The following SMOC2 variants were observed in gnomAD, a reference collection of about 807,000 sequenced individuals.
The protein encoded by SMOC2 is SPARC-related modular calcium-binding protein 2.
SMOC2 carries 39 observed loss-of-function variants against 61.4 expected under a neutral mutation model. The observed-to-expected ratio is 0.64, with a 90% confidence interval of 0.49 to 0.83. The LOEUF (loss-of-function observed/expected upper bound fraction) is 0.83. SMOC2 is among the 40% of genes least tolerant of loss of function. The pLI, the probability that SMOC2 is intolerant of heterozygous loss-of-function variation, is 0.00. For synonymous variants in SMOC2, 247 were observed against 239.9 expected (o/e 1.03, Z -0.27); for missense variants, 556 against 592.9 (o/e 0.94, Z 0.65).
intron 7 of SMOC2, among the ~76,000 whole-genome samples, chr6:168,595,904 G>A (rs1785318231): frequency 6.6e-6 from 1 of 152,242 alleles, no homozygotes; most frequent in Non-Finnish European, 1.5e-5. Flanking sequence ...GATGCAGTAT[G>A]TTCCTGGATA....
In SMOC2 at chr6:168,664,308, A is replaced by C. The variant is rs979868784; in HGVS notation, c.1323+197A>C. On this transcript the variant is annotated intron_variant, in intron 12 of 12. Transcript: ENST00000356284. ...TTGCCGAATTCTATCCGAAATCACC[A>C]ACTTGTTTGAAAAAAGTTTATTATT... The C allele has an allele frequency of 1.3e-5, 8 of 626,998 alleles. No individual in the cohort carries two copies. In the African/African-American group the frequency reaches 1.5e-4, roughly 12 times the overall value. 38.8% of individuals were successfully genotyped at this position (626,998 alleles called of 1,614,324 possible).
chr6:168,476,075 A>G (rs1235480027), intron 1 of SMOC2, among the ~76,000 whole-genome samples: 2 of 152,186 alleles, frequency 1.3e-5, no homozygotes, highest in East Asian at 3.9e-4. Flanking sequence ...ACAAGCGTAA[A>G]AAGATAGAAC....
chr6:168,495,279 C>A (rs1230585037), intron 1 of SMOC2, among the ~76,000 whole-genome samples: 1 of 151,968 alleles, frequency 6.6e-6, no homozygotes, highest in Non-Finnish European at 1.5e-5. Flanking sequence ...GGGTCCACCC[C>A]CCTCTAACTG....
At position 168,664,077 on chromosome 6, in the gene SMOC2, C is replaced by G. The variant is rs759304592; in HGVS notation, c.1289C>G (p.Pro430Arg). The stretch of plus-strand genomic sequence containing the variant: ...TATCTTTTTTTTTTCCTGCTAGCCC[C>G]CAGAGGTCATGCTGAAAGTACGTCT... ...GKADTKKRHTPRGHAESTSNR... is the reference protein window; with the variant it reads ...GKADTKKRHTRRGHAESTSNR... The change falls in exon 12 of 13, where the codon CCC becomes CGC. Residue 430 changes from proline to arginine, a missense_variant. Pro to Arg is a moderately radical substitution (Grantham distance 103). Transcript: ENST00000356284. The G allele has an allele frequency of 6.2e-7, 1 of 1,604,232 alleles. No individual in the cohort carries two copies. The highest frequency in any genetic ancestry group is 1.1e-5 in the South Asian group (1 of 90,422).
chr6:168,602,519 C>T (rs541920005), intron 8 of SMOC2, among the ~76,000 whole-genome samples: 6 of 152,294 alleles, frequency 3.9e-5, no homozygotes, highest in East Asian at 1.9e-4. Flanking sequence ...TATCACTGAA[C>T]GCCCAGACCC....
chr6:168,601,487 T>G (rs1278850109), intron 8 of SMOC2, among the ~76,000 whole-genome samples: 1 of 152,210 alleles, frequency 6.6e-6, no homozygotes, highest in East Asian at 1.9e-4. Context: ...TTCAAGGTTT[T>G]GGTATGAGAA....
At chr6:168,655,869 G>A (rs189800044) in intron 11 of SMOC2, among the ~76,000 whole-genome samples, 269 of 152,068 alleles carry the variant, frequency 1.8e-3, no homozygotes, top group African/African-American at 6.2e-3. Flanking sequence ...CCTTGCATGT[G>A]TGAGCTAGAT....
chr6:168,486,743 C>G (rs1782349074), intron 1 of SMOC2, among the ~76,000 whole-genome samples: 1 of 151,836 alleles, frequency 6.6e-6, no homozygotes, highest in African/African-American at 2.4e-5. Flanking sequence ...TATTGTGGTT[C>G]AACGGCATTT....
chr6:168,498,459 T>G (rs1782645187), intron 1 of SMOC2, among the ~76,000 whole-genome samples: 1 of 151,412 alleles, frequency 6.6e-6, no homozygotes, highest in African/African-American at 2.4e-5. Flanking sequence ...TGCCAGAAAA[T>G]GTCGAGGCTA....
chr6:168,577,299 C>T (rs1784826875), intron 7 of SMOC2, among the ~76,000 whole-genome samples: 1 of 152,074 alleles, frequency 6.6e-6, no homozygotes, highest in South Asian at 2.1e-4. Context: ...TCTAAACGCG[C>T]TCTCTCTCGT....
intron 11 of SMOC2, among the ~76,000 whole-genome samples, chr6:168,661,759 A>C (rs1439594421): frequency 6.6e-6 from 1 of 152,242 alleles, no homozygotes; most frequent in Non-Finnish European, 1.5e-5. Context: ...TGAATAGCCA[A>C]ATTGGCTCAG....
intron 7 of SMOC2, among the ~76,000 whole-genome samples, chr6:168,582,159 C>A (rs1038403044): frequency 6.6e-6 from 1 of 152,178 alleles, no homozygotes; most frequent in Non-Finnish European, 1.5e-5. Context: ...TTGTAGGGAT[C>A]CCATGGATGG....
intron 1 of SMOC2, among the ~76,000 whole-genome samples, chr6:168,477,638 CT>C (rs1259139812): frequency 6.6e-5 from 10 of 152,224 alleles, no homozygotes; most frequent in African/African-American, 2.2e-4. Flanking sequence ...AGGGTTGTTT[CT>C]TATTGTCTGT....
At chr6:168,531,753 C>T (rs1373802125) in intron 4 of SMOC2, among the ~76,000 whole-genome samples, 4 of 152,308 alleles carry the variant, frequency 2.6e-5, no homozygotes, top group South Asian at 2.1e-4. Context: ...CTTTTACAGA[C>T]GAGAAAACCT....
At chr6:168,506,099 C>T (rs896359336) in intron 1 of SMOC2, among the ~76,000 whole-genome samples, 1 of 152,132 alleles carries the variant, frequency 6.6e-6, no homozygotes, top group Non-Finnish European at 1.5e-5. Flanking sequence ...CTCCCATTCC[C>T]CGGGCTCAAG....
chr6:168,598,939 CT>C lies in SMOC2; in HGVS notation c.760del (p.Ser254ProfsTer60). On this transcript the variant is annotated frameshift_variant, in exon 8 of 13. Coordinates refer to ENST00000356284, the MANE Select transcript of SMOC2 (RefSeq NM_001166412.2). LOFTEE classifies it high-confidence loss of function. ...GLYKPVQCHPSTGYCWCVLVD... is the reference protein window; with the variant it reads ...GLYKPVQCHPXTGYCWCVLVD... The stretch of plus-strand genomic sequence containing the variant: ...TCTACAAGCCAGTGCAGTGCCACCC[CT>C]CCACGGGGTACTGCTGGTGCGTCCT... The C allele has an allele frequency of 6.2e-7, 1 of 1,613,684 alleles. No homozygotes were observed. The highest frequency in any genetic ancestry group is 8.5e-7 in the Non-Finnish European group (1 of 1,179,736).
At chr6:168,495,015 T>C (rs6901801) in intron 1 of SMOC2, among the ~76,000 whole-genome samples, 33,970 of 152,200 alleles carry the variant, frequency 0.22, 6,347 homozygotes, top group African/African-American at 0.49. Flanking sequence ...AGGCCCCGCC[T>C]CTGGCACCTT....
chr6:168,638,003 A>G (rs1351741982), intron 9 of SMOC2, among the ~76,000 whole-genome samples: 1 of 73,628 alleles, frequency 1.4e-5, no homozygotes, highest in African/African-American at 5.0e-5. Context: ...TGCAGCGCCC[A>G]GGGAAGGATT....
At chr6:168,607,956 C>T (rs1785754328) in intron 8 of SMOC2, among the ~76,000 whole-genome samples, 1 of 152,214 alleles carries the variant, frequency 6.6e-6, no homozygotes, top group African/African-American at 2.4e-5. Context: ...CTTCTTCCTA[C>T]TGACTGCAAG....
Sources: allele counts gnomAD v4.1 joint callset (sites outside exome capture counted in the v4.1 genomes callset), GRCh38; gene constraint gnomAD v4.1.1; transcripts MANE v1.5; gene names NCBI Gene and HGNC (gene_info 2026-07-23, HGNC 2026-07-21).